CTIF: variants seen among roughly 807,000 people sequenced by gnomAD.
CTIF encodes CBP80/20-dependent translation initiation factor.
CTIF carries 21 observed loss-of-function variants against 66.0 expected under a neutral mutation model. The observed-to-expected ratio is 0.32, with a 90% CI of 0.23 to 0.46. The LOEUF (loss-of-function observed/expected upper bound fraction) is 0.46, where lower values mean the gene tolerates loss of function less well. Among genes scored for constraint, CTIF ranks in the 20% least tolerant of loss-of-function variants. The pLI is 1.00. For synonymous variants in CTIF, 345 were observed against 326.4 expected, an observed-to-expected ratio of 1.06 and a Z score of -0.62; for missense variants, 739 against 812.7, an observed-to-expected ratio of 0.91 and a Z score of 1.10.
intron 9 of CTIF, among the ~76,000 whole-genome samples, chr18:48,788,537 A>G (rs61405481): frequency 0.48 from 73,347 of 151,418 alleles, 18,046 homozygotes; most frequent in Admixed American, 0.55. Flanking sequence ...ACACCACCTG[A>G]AGCATTTTTC....
chr18:48,582,786 T>C (rs1486591318), intron 1 of CTIF, among the ~76,000 whole-genome samples: 1 of 152,094 alleles, frequency 6.6e-6, no homozygotes, highest in East Asian at 1.9e-4. Context: ...CCCTGTGGGG[T>C]TGGCCGGTCA....
intron 9 of CTIF, among the ~76,000 whole-genome samples, chr18:48,813,098 A>T (rs921358035): frequency 6.6e-6 from 1 of 151,706 alleles, no homozygotes; most frequent in Non-Finnish European, 1.5e-5. Flanking sequence ...CTTCTGCATT[A>T]CTTTTTCTGC....
At chr18:48,833,294 C>T (rs1038434353) in intron 10 of CTIF, among the ~76,000 whole-genome samples, 4 of 152,098 alleles carry the variant, frequency 2.6e-5, no homozygotes, top group Non-Finnish European at 5.9e-5. Flanking sequence ...CGGGAGGCCT[C>T]GTGGGGCCTG....
Position 48,619,552 on chromosome 18 carries a change from C to T in CTIF, c.-14C>T. The stretch of plus-strand genomic sequence containing the variant: ...TTTCCCACCAGTCCCGGCCCAGGCC[C>T]CTGAGCTGGAGGGATGGAAAACTCC... On this transcript the variant is annotated 5_prime_UTR_variant, in exon 2 of 12. Transcript: ENST00000256413. 1 of 1,508,892 alleles carries T rather than the reference C, an allele frequency of 6.6e-7. No individual in the cohort carries two copies. 93.5% of individuals were successfully genotyped at this position (1,508,892 alleles called of 1,614,324 possible).
Position 48,761,954 on chromosome 18 carries a change from T to G in CTIF, c.1371+265T>G, listed in dbSNP as rs1453817054. 2.0e-5 allele frequency among the ~76,000 whole-genome samples: 3 copies of G among 152,224 alleles called. No individual in the cohort carries two copies. Among genetic ancestry groups the G allele is most frequent in the South Asian group, 2.1e-4 (1 of 4,836 alleles). ...TTTATGTTTAACCAGCCTTTCCCAC[T>G]TTCTATTTTCATAAGAGGCTGGCTC... On this transcript the variant is annotated intron_variant, in intron 9 of 11. Transcript: ENST00000256413. The surrounding 1 kb of genome is among the most constrained non-coding windows in gnomAD (Gnocchi z 4.2).
intron 6 of CTIF, among the ~76,000 whole-genome samples, chr18:48,707,805 ACTGT>A (rs1568153528): frequency 6.6e-6 from 1 of 152,146 alleles, no homozygotes; most frequent in Admixed American, 6.5e-5. Context: ...AACGATCACT[ACTGT>A]CTAATTCTGG....
At chr18:48,729,469 A>T (rs2092417446) in intron 7 of CTIF, among the ~76,000 whole-genome samples, 1 of 152,190 alleles carries the variant, frequency 6.6e-6, no homozygotes, top group Non-Finnish European at 1.5e-5. Flanking sequence ...ACACAAATAA[A>T]GATGGCTCCC....
At chr18:48,741,653 G>A (rs973155285) in intron 7 of CTIF, among the ~76,000 whole-genome samples, 1 of 152,060 alleles carries the variant, frequency 6.6e-6, no homozygotes, top group Non-Finnish European at 1.5e-5. Flanking sequence ...TCAAACTCCT[G>A]ACCTCAGGTG....
At chr18:48,574,440 T>C (rs570892732) in intron 1 of CTIF, among the ~76,000 whole-genome samples, 14 of 152,308 alleles carry the variant, frequency 9.2e-5, no homozygotes, top group African/African-American at 3.1e-4. Flanking sequence ...AAAACGACCA[T>C]CCTTTTATTA....
chr18:48,846,692 T>A (rs567760001), intron 10 of CTIF, among the ~76,000 whole-genome samples: 5 of 149,966 alleles, frequency 3.3e-5, no homozygotes, highest in African/African-American at 1.2e-4. Flanking sequence ...GGTGAGTAGA[T>A]AGATGGATGA....
chr18:48,834,094 A>G (rs2068756100), intron 10 of CTIF, among the ~76,000 whole-genome samples: 1 of 151,130 alleles, frequency 6.6e-6, no homozygotes, highest in South Asian at 2.1e-4. Context: ...AGGGTCGGCA[A>G]ATGTCTGGTA....
chr18:48,818,469 T>A (rs897819163), intron 10 of CTIF, among the ~76,000 whole-genome samples: 1 of 152,148 alleles, frequency 6.6e-6, no homozygotes, highest in Non-Finnish European at 1.5e-5. Context: ...GAGTCAGTTA[T>A]GTTTGAGTCG....
chr18:48,703,549 T>A (rs1009310588), intron 6 of CTIF, among the ~76,000 whole-genome samples: 1 of 152,152 alleles, frequency 6.6e-6, no homozygotes, highest in Non-Finnish European at 1.5e-5. Context: ...GAGAGAGAGA[T>A]AATAGACCTA....
chr18:48,584,891 C>T (rs768223703), intron 1 of CTIF, among the ~76,000 whole-genome samples: 17 of 152,224 alleles, frequency 1.1e-4, no homozygotes, highest in Admixed American at 2.0e-4. Flanking sequence ...ATCTTAAGTG[C>T]ACAGCCTGAG....
chr18:48,787,440 C>A (rs1337710310), intron 9 of CTIF, among the ~76,000 whole-genome samples: 1 of 152,134 alleles, frequency 6.6e-6, no homozygotes, highest in Non-Finnish European at 1.5e-5. Flanking sequence ...GAAAAAGCAC[C>A]AGGAGCTTTC....
rs1568164041 is a variant in CTIF at position 48,721,440 on chromosome 18, T to C, written c.584+9745T>C. 2.0e-5 allele frequency among the ~76,000 whole-genome samples: 3 copies of C among 152,140 alleles called. 1 individual carries two copies. The highest frequency in any genetic ancestry group is 1.3e-4 in the Admixed American group (2 of 15,286). On this transcript the variant is annotated intron_variant, in intron 7 of 11. Coordinates refer to ENST00000256413, the MANE Select transcript of CTIF (RefSeq NM_014772.3). ...CATTTGAGGATTGGCTCACAAACAC[T>C]AACACCCAACCCTTCATTCCTCTCC...
chr18:48,658,399 G>A lies in CTIF; in HGVS notation c.253-5353G>A, dbSNP rs148669686. Among the ~76,000 whole-genome samples the A allele has an allele frequency of 5.3e-3, 739 of 139,970 alleles. 11 individuals carry two copies. The highest frequency in any genetic ancestry group is 0.018 in the African/African-American group (699 of 39,820). The allele number at this position is 139,970 out of a possible 152,430, so 91.8% of individuals were successfully genotyped here. ...ATACATGTATACCACATGTATATAT[G>A]TGGTGTGTGCACATATGTGTGTTTG... On this transcript the variant is annotated intron_variant, in intron 3 of 11. Coordinates refer to ENST00000256413, the MANE Select transcript of CTIF (RefSeq NM_014772.3).
chr18:48,593,356 A>T (rs1158198851), intron 1 of CTIF, among the ~76,000 whole-genome samples: 2 of 151,964 alleles, frequency 1.3e-5, no homozygotes, highest in Admixed American at 1.3e-4. Context: ...ATTGATATTA[A>T]TAATATGTAA....
intron 6 of CTIF, among the ~76,000 whole-genome samples, chr18:48,699,371 G>A (rs2092050676): frequency 7.4e-6 from 1 of 134,362 alleles, no homozygotes; most frequent in African/African-American, 3.1e-5. Context: ...GAGATGAGGG[G>A]AGGGATTGGG....
Sources: allele counts gnomAD v4.1 joint callset (sites outside exome capture counted in the v4.1 genomes callset), GRCh38; gene constraint gnomAD v4.1.1; non-coding constraint Gnocchi (gnomAD v3.1); transcripts MANE v1.5; gene names NCBI Gene and HGNC (gene_info 2026-07-23, HGNC 2026-07-21).